Variants in PARD3B observed in about 807,000 individuals in gnomAD.
PARD3B encodes the protein partitioning defective 3 homolog B.
Under a neutral mutation model 130.2 loss-of-function variants are expected in PARD3B, and 103 were observed. That is an observed-to-expected ratio of 0.79 (90% CI 0.67 to 0.93). The LOEUF (loss-of-function observed/expected upper bound fraction) is 0.93. PARD3B is among the 40% of genes least tolerant of loss of function. The probability of loss-of-function intolerance (pLI) is 0.00; values close to 1 mark genes in which losing one functional copy is unlikely to be tolerated. For missense variants in PARD3B, 1,609 were observed against 1,499.2 expected, an observed-to-expected ratio of 1.07 and a Z score of -1.21; for synonymous variants, 583 against 553.2, an observed-to-expected ratio of 1.05 and a Z score of -0.76.
chr2:204,756,532 G>T (rs564851408), intron 2 of PARD3B, among the ~76,000 whole-genome samples: 4 of 152,170 alleles, frequency 2.6e-5, no homozygotes, highest in East Asian at 1.9e-4. Context: ...ATTTCTTTAC[G>T]TTGAAGGAAA....
chr2:204,961,441 G>T (rs1481388550), intron 2 of PARD3B, among the ~76,000 whole-genome samples: 1 of 152,062 alleles, frequency 6.6e-6, no homozygotes. Context: ...AGGATGAATT[G>T]CCATTAATTG....
At chr2:205,362,862 A>G (rs912787798) in intron 18 of PARD3B, among the ~76,000 whole-genome samples, 1 of 152,192 alleles carries the variant, frequency 6.6e-6, no homozygotes. Context: ...GTACCTCTAC[A>G]TTATATTCTT....
intron 21 of PARD3B, among the ~76,000 whole-genome samples, chr2:205,524,914 T>C (rs2051268694): frequency 6.6e-6 from 1 of 152,194 alleles, no homozygotes; most frequent in South Asian, 2.1e-4. Flanking sequence ...ACCTGTTTTA[T>C]ATGCGGTTGG....
Position 205,200,327 on chromosome 2 carries a change from A to G in PARD3B, c.2140+7007A>G, listed in dbSNP as rs112498040. On this transcript the variant is annotated intron_variant, in intron 15 of 22. Coordinates refer to ENST00000406610, the MANE Select transcript of PARD3B (RefSeq NM_001302769.2). ...GAAGATTGGATATAGGTAATTTGGC[A>G]CATATCTAACTTAATATTTGTATAC... Among the ~76,000 whole-genome samples the G allele has an allele frequency of 7.7e-3, 1,180 of 152,324 alleles. 16 individuals carry two copies. The highest frequency in any genetic ancestry group is 0.014 in the Middle Eastern group (4 of 294).
chr2:204,705,091 G>GGGTAGAAT, intron 2 of PARD3B, among the ~76,000 whole-genome samples: 1 of 152,292 alleles, frequency 6.6e-6, no homozygotes, highest in East Asian at 1.9e-4. Context: ...AGTACAGGAA[G>GGGTAGAAT]GGTAGAATTA....
chr2:204,796,114 A>G (rs1412100756), intron 2 of PARD3B, among the ~76,000 whole-genome samples: 1 of 152,190 alleles, frequency 6.6e-6, no homozygotes, highest in Non-Finnish European at 1.5e-5. Flanking sequence ...AAGTAACAAT[A>G]TTTGTGATAT....
intron 18 of PARD3B, among the ~76,000 whole-genome samples, chr2:205,365,200 C>CA (rs34761577): frequency 0.64 from 81,385 of 127,702 alleles, 26,738 homozygotes; most frequent in South Asian, 0.76. Flanking sequence ...AACTCCGTGT[C>CA]AAAAAAAAAA....
intron 2 of PARD3B, among the ~76,000 whole-genome samples, chr2:204,776,427 C>G (rs549250458): frequency 6.6e-6 from 1 of 151,974 alleles, no homozygotes; most frequent in Non-Finnish European, 1.5e-5. Context: ...TTTAAGTTAC[C>G]TGTATAAGCA....
intron 2 of PARD3B, among the ~76,000 whole-genome samples, chr2:204,874,575 A>AT (rs566956349): frequency 3.2e-3 from 492 of 151,712 alleles, no homozygotes; most frequent in Non-Finnish European, 5.6e-3. Context: ...ATTTTTTGTT[A>AT]TTTTTTTTTA....
intron 15 of PARD3B, among the ~76,000 whole-genome samples, chr2:205,199,697 G>A (rs537887779): frequency 8.7e-4 from 132 of 152,242 alleles, no homozygotes; most frequent in African/African-American, 3.1e-3. Context: ...AAGCCACTCA[G>A]TTCCTGTGTT....
intron 3 of PARD3B, among the ~76,000 whole-genome samples, chr2:205,040,044 A>G (rs930010175): frequency 1.3e-5 from 2 of 152,098 alleles, no homozygotes; most frequent in African/African-American, 4.8e-5. Context: ...GCTCCCTGCA[A>G]CCTCTGCCTC....
chr2:204,696,053 C>CA (rs1402082077), intron 2 of PARD3B, among the ~76,000 whole-genome samples: 1 of 151,938 alleles, frequency 6.6e-6, no homozygotes, highest in Non-Finnish European at 1.5e-5. Context: ...ATAACGTCTG[C>CA]ATAGGTTATC....
intron 3 of PARD3B, among the ~76,000 whole-genome samples, chr2:205,039,757 A>G (rs1180919641): frequency 2.0e-5 from 3 of 152,082 alleles, no homozygotes; most frequent in Non-Finnish European, 2.9e-5. Flanking sequence ...GGCGTGAGCC[A>G]CCACACTCAG....
intron 18 of PARD3B, among the ~76,000 whole-genome samples, chr2:205,306,541 A>C (rs1435592090): frequency 1.3e-5 from 2 of 152,218 alleles, no homozygotes; most frequent in East Asian, 3.8e-4. Context: ...TGGCATGTTC[A>C]TACTTCATTG....
chr2:205,174,770 T>C (rs909836294), intron 12 of PARD3B, among the ~76,000 whole-genome samples: 6 of 152,244 alleles, frequency 3.9e-5, no homozygotes, highest in African/African-American at 1.4e-4. Context: ...AGTCAAAATA[T>C]ATAGTTGTTG....
intron 1 of PARD3B, among the ~76,000 whole-genome samples, chr2:204,574,078 C>T (rs753859529): frequency 2.6e-5 from 4 of 152,102 alleles, no homozygotes; most frequent in Admixed American, 6.6e-5. Flanking sequence ...GCTTTTCCCT[C>T]GGTGGGTGTG....
chr2:204,937,369 T>A (rs1559278286), intron 2 of PARD3B, among the ~76,000 whole-genome samples: 1 of 152,154 alleles, frequency 6.6e-6, no homozygotes, highest in Non-Finnish European at 1.5e-5. Flanking sequence ...TTGACTGTAG[T>A]TCCTTGGATT....
intron 20 of PARD3B, among the ~76,000 whole-genome samples, chr2:205,456,761 T>C (rs951942334): frequency 6.6e-6 from 1 of 150,850 alleles, no homozygotes; most frequent in African/African-American, 2.4e-5. Flanking sequence ...TATATAATTA[T>C]TTCTAGTCAT....
intron 14 of PARD3B, among the ~76,000 whole-genome samples, chr2:205,186,693 A>G (rs1017489424): frequency 3.2e-4 from 48 of 152,292 alleles, no homozygotes; most frequent in Admixed American, 1.0e-3. Flanking sequence ...AAGCTCACCT[A>G]TATTTAGCTA....
Sources: allele counts gnomAD v4.1 joint callset (sites outside exome capture counted in the v4.1 genomes callset), GRCh38; gene constraint gnomAD v4.1.1; transcripts MANE v1.5; gene names NCBI Gene and HGNC (gene_info 2026-07-23, HGNC 2026-07-21).